RAB32: variants seen among roughly 807,000 people sequenced by gnomAD.
RAB32 encodes RAB32, member RAS oncogene family.
Under a neutral mutation model 17.5 loss-of-function variants are expected in RAB32, and 17 were observed. That is an observed-to-expected ratio of 0.97 (90% CI 0.67 to 1.46). The LOEUF is 1.46. Ranked by LOEUF, RAB32 falls within the 40% of genes most tolerant of loss-of-function variation. RAB32 has a pLI of 0.00. For missense variants in RAB32, 288 were observed against 284.3 expected, an observed-to-expected ratio of 1.01 and a Z score of -0.09; for synonymous variants, 115 against 111.1, an observed-to-expected ratio of 1.04 and a Z score of -0.22.
Position 146,544,106 on chromosome 6 carries a change from C to A in RAB32, c.235C>A (p.Leu79Met), listed in dbSNP as rs1477617868. 1 of 1,611,910 alleles carries A rather than the reference C, an allele frequency of 6.2e-7. No homozygotes were observed. Among genetic ancestry groups the A allele is most frequent in the East Asian group, 2.2e-5 (1 of 44,686 alleles). Reference sequence around the variant, plus strand: ...CAGCAGGACTCTGGTGCGCCTGCAGCTGTGGGACATCGCGGGTAAGCGCGG... The same window carrying A: ...CAGCAGGACTCTGGTGCGCCTGCAGATGTGGGACATCGCGGGTAAGCGCGG... Reference protein sequence around the residue: ...WDSRTLVRLQLWDIAGQERFG... With the variant: ...WDSRTLVRLQMWDIAGQERFG... The change falls in exon 1 of 3, where the codon CTG (leucine) becomes ATG (methionine). Residue 79 changes from leucine (L) to methionine (M), a missense_variant. Leu to Met is a conservative substitution (Grantham distance 15, BLOSUM62 2). Transcript: ENST00000367495.
chr6:146,550,656 C>CAAAAAAAAAA (rs11399832), intron 2 of RAB32, among the ~76,000 whole-genome samples: 1 of 127,344 alleles, frequency 7.9e-6, no homozygotes. Context: ...GACCCCATCT[C>CAAAAAAAAAA]AAAAAAAAAA....
At chr6:146,547,443 A>G (rs1779837914) in intron 1 of RAB32, among the ~76,000 whole-genome samples, 1 of 152,068 alleles carries the variant, frequency 6.6e-6, no homozygotes, top group African/African-American at 2.4e-5. Context: ...CCAAAGGACA[A>G]ATTGGGAACA....
chr6:146,545,582 C>G (rs1197146837), intron 1 of RAB32, among the ~76,000 whole-genome samples: 1 of 152,204 alleles, frequency 6.6e-6, no homozygotes, highest in Admixed American at 6.5e-5. Context: ...GAGCACATTT[C>G]TGTCCCTCAG....
At chr6:146,554,398 G>T in intron 2 of RAB32, 58 bp from the exon 3 acceptor site, 1 of 1,539,610 alleles carries the variant, frequency 6.5e-7, no homozygotes, top group Non-Finnish European at 8.7e-7. Flanking sequence ...TACTCTTAAT[G>T]CCTTATTCTA....
chr6:146,554,429 A>G (rs1337782813), intron 2 of RAB32, 27 bp from the exon 3 acceptor site: 1 of 1,581,822 alleles, frequency 6.3e-7, no homozygotes, highest in Non-Finnish European at 8.6e-7. Flanking sequence ...CTAAAAATTA[A>G]TCCCGTTCTT....
Position 146,554,533 on chromosome 6 carries a change from A to C in RAB32, c.606A>C (p.Glu202Asp), listed in dbSNP as rs762583532. Reference protein sequence around the residue: ...ILVNHQSFPNEENDVDKIKLD... With the variant: ...ILVNHQSFPNDENDVDKIKLD... ...TAAACCACCAAAGCTTTCCTAATGA[A>C]GAAAACGATGTGGACAAAATTAAGC... The change falls in exon 3 of 3, where the codon GAA (glutamate) becomes GAC (aspartate). Residue 202 changes from glutamate to aspartate, a missense_variant. By Grantham distance (45) the Glu-to-Asp change is conservative (BLOSUM62 2). Coordinates refer to ENST00000367495, the MANE Select transcript of RAB32 (RefSeq NM_006834.5). 6.2e-7 allele frequency: 1 copy of C among 1,613,986 alleles called. No homozygotes were observed. The highest frequency in any genetic ancestry group is 8.5e-7 in the Non-Finnish European group (1 of 1,179,868).
intron 1 of RAB32, among the ~76,000 whole-genome samples, chr6:146,547,607 A>C (rs1779839770): frequency 6.6e-6 from 1 of 151,588 alleles, no homozygotes; most frequent in Admixed American, 6.6e-5. Flanking sequence ...GCTGCATCTT[A>C]TACTTTGTCG....
intron 1 of RAB32, among the ~76,000 whole-genome samples, chr6:146,548,018 T>C (rs2076170772): frequency 6.6e-6 from 1 of 152,214 alleles, no homozygotes; most frequent in African/African-American, 2.4e-5. Context: ...GTCTGAATCA[T>C]TTCAATGCAT....
At position 146,543,845 on chromosome 6, in the gene RAB32, G is replaced by T. The variant is rs1583534396; in HGVS notation, c.-27G>T. ...CGGGCAGGGGGCCAGACTCGGAGTC[G>T]AGGCGCGCCCGACAGCCGCAGCGCT... On this transcript the variant is annotated 5_prime_UTR_variant, in exon 1 of 3. Coordinates refer to ENST00000367495, the MANE Select transcript of RAB32 (RefSeq NM_006834.5). 1.5e-6 allele frequency: 2 copies of T among 1,342,750 alleles called. No homozygotes were observed. Among genetic ancestry groups the T allele is most frequent in the East Asian group, 3.2e-5 (1 of 31,144 alleles). The allele number at this position is 1,342,750 out of a possible 1,614,324, so 83.2% of individuals were successfully genotyped here. A position where few individuals can be genotyped will look rare whatever the true frequency, so the allele number is the denominator to read the frequency against.
chr6:146,551,943 A>G (rs898910461), intron 2 of RAB32, among the ~76,000 whole-genome samples: 7 of 152,188 alleles, frequency 4.6e-5, no homozygotes, highest in Admixed American at 4.6e-4. Flanking sequence ...GAATAACAGT[A>G]ATAAAAAAAT....
intron 1 of RAB32, among the ~76,000 whole-genome samples, chr6:146,546,350 C>G (rs1376464412): frequency 6.6e-6 from 1 of 150,770 alleles, no homozygotes; most frequent in Non-Finnish European, 1.5e-5. Context: ...ATTAGGCTCA[C>G]ATTATAAGTA....
chr6:146,544,003 C>G lies in RAB32; in HGVS notation c.132C>G (p.Arg44=). ...TGGGCAAGACCAGCATCATCAAGCG[C>G]TACGTCCACCAGCTCTTCTCCCAGC... The part of the protein sequence containing the change: ...LGVGKTSIIK[R]YVHQLFSQHY... Residue 44 remains arginine, a synonymous_variant, in exon 1 of 3, where the codon CGC becomes CGG. Transcript: ENST00000367495. 6.2e-7 allele frequency: 1 copy of G among 1,613,916 alleles called. No homozygotes were observed. Among genetic ancestry groups the G allele is most frequent in the Non-Finnish European group, 8.5e-7 (1 of 1,179,956 alleles).
At chr6:146,553,392 T>A (rs1212267817) in intron 2 of RAB32, among the ~76,000 whole-genome samples, 1 of 152,224 alleles carries the variant, frequency 6.6e-6, no homozygotes, top group African/African-American at 2.4e-5. Flanking sequence ...TGCTTCCTGA[T>A]AAACTGTGCA....
intron 1 of RAB32, among the ~76,000 whole-genome samples, chr6:146,544,645 C>T (rs1019611755): frequency 6.6e-6 from 1 of 151,928 alleles, no homozygotes; most frequent in Non-Finnish European, 1.5e-5. Context: ...TCCTCAAATA[C>T]TTTGCTCTCA....
In RAB32 at chr6:146,549,621, C is replaced by T. The variant is rs765583722; in HGVS notation, c.408C>T (p.Ile136=). ...SKVHLPNGSP[I]PAVLLANKCD... is the part of the protein sequence containing the mutation. ...TTCATCTTCCAAATGGCAGCCCTAT[C>T]CCTGCTGTCCTCTTGGCTAACAAAT... The change falls in exon 2 of 3, where the codon ATC becomes ATT. Residue 136 remains isoleucine (I), a synonymous_variant. Transcript: ENST00000367495. 6.2e-7 allele frequency: 1 copy of T among 1,614,164 alleles called. No homozygotes were observed. The highest frequency in any genetic ancestry group is 2.2e-5 in the East Asian group (1 of 44,878).
intron 1 of RAB32, among the ~76,000 whole-genome samples, chr6:146,547,769 T>A: frequency 6.6e-6 from 1 of 151,700 alleles, no homozygotes; most frequent in East Asian, 1.9e-4. Context: ...TAACAACTCT[T>A]TGTTAACTTC....
chr6:146,549,741 G>C lies in RAB32; in HGVS notation c.528G>C (p.Lys176Asn). 6.2e-7 allele frequency: 1 copy of C among 1,612,798 alleles called. No homozygotes were observed. The highest frequency in any genetic ancestry group is 1.3e-5 in the African/African-American group (1 of 75,014). The change falls in exon 2 of 3, where the codon AAG (lysine) becomes AAC (asparagine). Residue 176 changes from lysine (K) to asparagine (N), a missense_variant and splice_region_variant. Transcript: ENST00000367495. ...GFAGWFETSA[K>N]DNINIEEAAR... ...CCGGATGGTTTGAAACCTCTGCAAA[G>C]GTGAGATCTGCTTTGCTTATGCATC...
In RAB32 at chr6:146,549,717, C is replaced by T. The variant is rs765565589; in HGVS notation, c.504C>T (p.Ala168=). The part of the protein sequence containing the change: ...VDQFCKEHGF[A]GWFETSAKDN... Reference sequence around the variant, plus strand: ...AATTCTGCAAAGAACATGGCTTTGCCGGATGGTTTGAAACCTCTGCAAAGG... The same window carrying T: ...AATTCTGCAAAGAACATGGCTTTGCTGGATGGTTTGAAACCTCTGCAAAGG... The change falls in exon 2 of 3, where the codon GCC becomes GCT. Residue 168 remains alanine (A), a synonymous_variant. Coordinates refer to ENST00000367495, the MANE Select transcript of RAB32 (RefSeq NM_006834.5). 6.2e-5 allele frequency: 100 copies of T among 1,613,944 alleles called. 1 individual carries two copies. The highest frequency in any genetic ancestry group is 1.6e-4 in the Middle Eastern group (1 of 6,076).
At chr6:146,552,082 A>G (rs1020176776) in intron 2 of RAB32, among the ~76,000 whole-genome samples, 1 of 152,204 alleles carries the variant, frequency 6.6e-6, no homozygotes, top group Non-Finnish European at 1.5e-5. Context: ...GAATTTCACT[A>G]GGAACATAGG....
Sources: allele counts gnomAD v4.1 joint callset (sites outside exome capture counted in the v4.1 genomes callset), GRCh38; gene constraint gnomAD v4.1.1; transcripts MANE v1.5; gene names NCBI Gene and HGNC (gene_info 2026-07-23, HGNC 2026-07-21).